The following PLA2G4E variants were observed in gnomAD, a reference collection of about 807,000 sequenced individuals.
The protein encoded by PLA2G4E is cytosolic phospholipase A2 epsilon.
In PLA2G4E, 84 loss-of-function variants were observed where a neutral mutation model predicts 109.1. That is an observed-to-expected ratio of 0.77 (90% CI 0.65 to 0.92). PLA2G4E has a LOEUF of 0.92. PLA2G4E is among the 40% of genes least tolerant of loss of function. The pLI is 0.00. For synonymous variants in PLA2G4E, 469 were observed against 436.1 expected, an observed-to-expected ratio of 1.08 and a Z score of -0.94; for missense variants, 1,057 against 1,076.6, an observed-to-expected ratio of 0.98 and a Z score of 0.25.
intron 1 of PLA2G4E, among the ~76,000 whole-genome samples, chr15:42,034,813 T>G (rs1889179889): frequency 6.6e-6 from 1 of 152,258 alleles, no homozygotes; most frequent in South Asian, 2.1e-4. Flanking sequence ...TGATCTGGAC[T>G]GCTAGATCCA....
chr15:42,027,934 G>A (rs758565757), intron 1 of PLA2G4E, among the ~76,000 whole-genome samples: 14 of 152,194 alleles, frequency 9.2e-5, no homozygotes, highest in Non-Finnish European at 1.6e-4. Flanking sequence ...TTCATCATAT[G>A]CTCACTAATC....
At chr15:42,036,760 T>G (rs1167504561) in intron 1 of PLA2G4E, among the ~76,000 whole-genome samples, 1 of 152,068 alleles carries the variant, frequency 6.6e-6, no homozygotes, top group Non-Finnish European at 1.5e-5. Context: ...TGGAGCTGCA[T>G]GCTCCGCGGA....
intron 1 of PLA2G4E, among the ~76,000 whole-genome samples, chr15:42,028,164 T>C (rs2075983127): frequency 6.6e-6 from 1 of 152,204 alleles, no homozygotes; most frequent in Non-Finnish European, 1.5e-5. Context: ...CTGGTCTAAG[T>C]ATTTTATATT....
intron 13 of PLA2G4E, 90 bp downstream of exon 13, chr15:41,992,647 G>A: frequency 7.9e-7 from 1 of 1,269,644 alleles, no homozygotes; most frequent in Non-Finnish European, 1.1e-6. Context: ...AATCCCCTGT[G>A]TGCAATGGAA....
intron 1 of PLA2G4E, among the ~76,000 whole-genome samples, chr15:42,046,359 A>G (rs1157036930): frequency 1.3e-5 from 2 of 152,042 alleles, no homozygotes; most frequent in Non-Finnish European, 2.9e-5. Flanking sequence ...TCACCTCCCA[A>G]TGCTTTCTTC....
intron 1 of PLA2G4E, among the ~76,000 whole-genome samples, chr15:42,045,425 G>A (rs973836632): frequency 6.6e-6 from 1 of 152,170 alleles, no homozygotes; most frequent in Non-Finnish European, 1.5e-5. Flanking sequence ...GTAGGGAGCT[G>A]TTAGGTTCCC....
At chr15:42,031,885 T>A (rs1229758195) in intron 1 of PLA2G4E, among the ~76,000 whole-genome samples, 1 of 152,190 alleles carries the variant, frequency 6.6e-6, no homozygotes, top group Non-Finnish European at 1.5e-5. Context: ...GATGTTTGTC[T>A]CCTCCAAATC....
At chr15:42,037,716 A>C (rs1325215715) in intron 1 of PLA2G4E, among the ~76,000 whole-genome samples, 1 of 152,188 alleles carries the variant, frequency 6.6e-6, no homozygotes, top group African/African-American at 2.4e-5. Context: ...CTGGGAGCTC[A>C]TGGAGCCACA....
At chr15:42,021,179 T>C (rs570694537) in intron 1 of PLA2G4E, among the ~76,000 whole-genome samples, 137 bp from the exon 1 acceptor site, 1 of 151,890 alleles carries the variant, frequency 6.6e-6, no homozygotes, top group South Asian at 2.1e-4. Context: ...CCTAGATCTC[T>C]TCATATCAAA....
chr15:42,010,036 A>G (rs748583705), intron 2 of PLA2G4E: 7 of 456,814 alleles, frequency 1.5e-5, no homozygotes, highest in African/African-American at 8.1e-5. Context: ...GATACAGGTC[A>G]GAGGTCAGTG....
intron 6 of PLA2G4E, among the ~76,000 whole-genome samples, chr15:42,002,360 C>T (rs1330231242): frequency 2.0e-5 from 3 of 150,724 alleles, no homozygotes; most frequent in Admixed American, 2.0e-4. Flanking sequence ...GGAGGCTGCA[C>T]TTAGTGGGTT....
chr15:42,015,962 C>T (rs757999871), intron 1 of PLA2G4E, among the ~76,000 whole-genome samples: 13 of 152,292 alleles, frequency 8.5e-5, no homozygotes, highest in Non-Finnish European at 1.3e-4. Context: ...GTTTTACCCA[C>T]GCTTAGAAGA....
chr15:42,042,884 A>C (rs1889339979), intron 1 of PLA2G4E, among the ~76,000 whole-genome samples: 2 of 152,184 alleles, frequency 1.3e-5, no homozygotes, highest in African/African-American at 4.8e-5. Context: ...GAAACTATAG[A>C]GCAAGGAAGG....
intron 2 of PLA2G4E, among the ~76,000 whole-genome samples, chr15:42,013,210 T>C (rs1250496426): frequency 6.6e-6 from 1 of 152,158 alleles, no homozygotes; most frequent in East Asian, 1.9e-4. Context: ...CAGTTTCAGA[T>C]CTTTGTCTTG....
Position 41,990,152 on chromosome 15 carries a change from GA to G in PLA2G4E, c.1553del (p.Val518AlafsTer5). 2 of 1,613,520 alleles carry G rather than the reference GA, an allele frequency of 1.2e-6. No individual in the cohort carries two copies. The highest frequency in any genetic ancestry group is 1.7e-6 in the Non-Finnish European group (2 of 1,179,804). ...AGTCCTGGTTGCTTACATCATCCTT[GA>G]CATTGATGGTGAGGTAGATGGGCAG... is the stretch of plus-strand genomic sequence containing the variant. On this transcript the variant is annotated frameshift_variant, in exon 14 of 20. Coordinates refer to ENST00000399518, the Ensembl canonical transcript of PLA2G4E. LOFTEE classifies it high-confidence loss of function.
intron 1 of PLA2G4E, among the ~76,000 whole-genome samples, chr15:42,045,426 T>C (rs1180704423): frequency 6.6e-6 from 1 of 152,082 alleles, no homozygotes; most frequent in Non-Finnish European, 1.5e-5. Context: ...TAGGGAGCTG[T>C]TAGGTTCCCA....
chr15:42,043,536 T>G (rs1441340183), intron 1 of PLA2G4E, among the ~76,000 whole-genome samples: 1 of 128,028 alleles, frequency 7.8e-6, no homozygotes, highest in African/African-American at 3.0e-5. Flanking sequence ...AAATGGTAGG[T>G]ATTTAGGGAG....
chr15:42,013,821 G>C, intron 1 of PLA2G4E, 64 bp from the exon 2 acceptor site: 1 of 1,377,120 alleles, frequency 7.3e-7, no homozygotes, highest in Non-Finnish European at 1.0e-6. Flanking sequence ...TGCCCCGGGG[G>C]AGACTTTCCC....
At chr15:41,984,405 G>A (rs1195208278) in intron 19 of PLA2G4E, 31 bp downstream of exon 19, 8 of 1,584,784 alleles carry the variant, frequency 5.0e-6, no homozygotes, top group Middle Eastern at 1.7e-4. Context: ...AGGGCAGCAG[G>A]TGCTGGGAAC....
Sources: gnomAD v4.1 joint callset for allele counts (sites outside exome capture counted in the v4.1 genomes callset) on GRCh38, gnomAD v4.1.1 for gene constraint, MANE v1.5 for transcripts, NCBI Gene and HGNC (gene_info 2026-07-23, HGNC 2026-07-21) for gene names.